Variants in ADPRM observed in about 807,000 individuals in gnomAD.
The protein encoded by ADPRM is manganese-dependent ADP-ribose/CDP-alcohol diphosphatase.
ADPRM carries 17 observed loss-of-function variants against 27.2 expected under a neutral mutation model. The ratio of observed to expected loss-of-function variants is 0.63; its 90% confidence interval spans 0.43 to 0.94. ADPRM has a LOEUF of 0.94. Ranked by LOEUF, ADPRM falls within the 40% of genes least tolerant of loss-of-function variation. The pLI is 0.00. For missense variants in ADPRM, 337 were observed against 412.8 expected (o/e 0.82, Z 1.59); for synonymous variants, 135 against 145.3 (o/e 0.93, Z 0.51).
intron 1 of ADPRM, 143 bp downstream of exon 1, chr17:10,697,810 T>C: frequency 3.7e-6 from 1 of 273,884 alleles, no homozygotes; most frequent in South Asian, 3.1e-5. Flanking sequence ...CCCCAAGCGC[T>C]GGGGGCCCCC....
intron 1 of ADPRM, 57 bp downstream of exon 1, chr17:10,697,724 G>C (rs532397428): frequency 3.2e-4 from 210 of 652,864 alleles, no homozygotes; most frequent in Non-Finnish European, 4.4e-4. Flanking sequence ...GGTGCTGCGG[G>C]GCCGCGGGAC....
chr17:10,709,745 AAC>A (rs988703623), intron 3 of ADPRM, among the ~76,000 whole-genome samples: 107 of 144,288 alleles, frequency 7.4e-4, no homozygotes, highest in African/African-American at 2.7e-3. Flanking sequence ...TTGTATTACA[AAC>A]AGATATTAAA....
chr17:10,704,948 G>C lies in ADPRM; in HGVS notation c.22G>C (p.Glu8Gln). The change falls in exon 2 of 4, where the codon GAA (glutamate) becomes CAA (glutamine). Residue 8 changes from glutamate (E) to glutamine (Q), a missense_variant. Coordinates refer to ENST00000379774, the MANE Select transcript of ADPRM (RefSeq NM_020233.5). MDDKPNP[E>Q]ALSDSSERLF... ...GGTTATGGATGATAAACCCAATCCT[G>C]AAGCCCTAAGTGACAGTTCAGAGCG... The C allele has an allele frequency of 6.2e-7, 1 of 1,607,300 alleles. No homozygotes were observed. Among genetic ancestry groups the C allele is most frequent in the Non-Finnish European group, 8.5e-7 (1 of 1,177,530 alleles).
chr17:10,711,131 C>T lies in ADPRM; in HGVS notation c.1016C>T (p.Ala339Val). 6.2e-7 allele frequency: 1 copy of T among 1,603,762 alleles called. No homozygotes were observed. Among genetic ancestry groups the T allele is most frequent in the Non-Finnish European group, 8.5e-7 (1 of 1,172,438 alleles). Residue 339 changes from alanine (A) to valine (V), a missense_variant, in exon 4 of 4, where the codon GCC (alanine) becomes GTC (valine). Coordinates refer to ENST00000379774, the MANE Select transcript of ADPRM (RefSeq NM_020233.5). ...DRIMNYKKERAFHC is the reference protein window; with the variant it reads ...DRIMNYKKERVFHC ...ATTATGAATTACAAGAAAGAAAGAG[C>T]CTTCCATTGTTAGTCTAATTTATTT...
intron 3 of ADPRM, among the ~76,000 whole-genome samples, chr17:10,709,596 G>GA (rs1456196628): frequency 3.3e-5 from 5 of 152,082 alleles, no homozygotes; most frequent in Non-Finnish European, 5.9e-5. Flanking sequence ...AGGGAGAAGG[G>GA]AACAACTAAT....
Position 10,705,847 on chromosome 17 carries a change from A to G in ADPRM, c.601+320A>G. Reference sequence around the variant, plus strand: ...AGTACGTGGGCAAGACAGATGATAAATGAAACAGAAACAAGATTATTTCCA... The same window carrying G: ...AGTACGTGGGCAAGACAGATGATAAGTGAAACAGAAACAAGATTATTTCCA... On this transcript the variant is annotated intron_variant, in intron 2 of 3. Coordinates refer to ENST00000379774, the MANE Select transcript of ADPRM (RefSeq NM_020233.5). This position sits in a 1 kb window ranked among gnomAD's most constrained non-coding sequence, Gnocchi z 5.4. 1 of 326,984 alleles carries G rather than the reference A, an allele frequency of 3.1e-6. No individual in the cohort carries two copies. The allele number at this position is 326,984 out of a possible 1,614,324, so 20.3% of individuals were successfully genotyped here. A position where few individuals can be genotyped will look rare whatever the true frequency, so the allele number is the denominator to read the frequency against.
chr17:10,697,945 C>T (rs1181906530), intron 1 of ADPRM: 1 of 175,802 alleles, frequency 5.7e-6, no homozygotes, highest in Non-Finnish European at 1.2e-5. Flanking sequence ...CCTACCTTGT[C>T]TGGCCGACTT....
At position 10,711,136 on chromosome 17, in the gene ADPRM, C is replaced by T; in HGVS notation, c.1021C>T (p.His341Tyr). Residue 341 changes from histidine (H) to tyrosine (Y), a missense_variant, in exon 4 of 4, where the codon CAT (histidine) becomes TAT (tyrosine). His to Tyr is a moderately conservative substitution (Grantham distance 83, BLOSUM62 2). Transcript: ENST00000379774. ...GAATTACAAGAAAGAAAGAGCCTTCCATTGTTAGTCTAATTTATTTTAACT... is the reference window on the plus strand; with the variant it reads ...GAATTACAAGAAAGAAAGAGCCTTCTATTGTTAGTCTAATTTATTTTAACT... ...IMNYKKERAF[H>Y]C The T allele has an allele frequency of 1.2e-6, 2 of 1,600,494 alleles. No homozygotes were observed. Among genetic ancestry groups the T allele is most frequent in the Non-Finnish European group, 1.7e-6 (2 of 1,170,832 alleles).
At position 10,697,669 on chromosome 17, in the gene ADPRM, T is replaced by C. The variant is rs1243175115; in HGVS notation, c.-18+2T>C. 2 of 877,922 alleles carry C rather than the reference T, an allele frequency of 2.3e-6. No homozygotes were observed. Among genetic ancestry groups the C allele is most frequent in the South Asian group, 1.5e-5 (1 of 68,554 alleles). The allele number at this position is 877,922 out of a possible 1,614,324, so 54.4% of individuals were successfully genotyped here. A position where few individuals can be genotyped will look rare whatever the true frequency, so the allele number is the denominator to read the frequency against. ...TTTCAGCCCAGGGGCCGGCGCACGG[T>C]AGGTAGTTCCCTGCGGCTGGAGGCG... On this transcript the variant is annotated splice_donor_variant, in intron 1 of 3. Coordinates refer to ENST00000379774, the MANE Select transcript of ADPRM (RefSeq NM_020233.5). LOFTEE classifies it low-confidence loss of function (5UTR_SPLICE).
At chr17:10,706,619 C>T (rs2074814290) in intron 3 of ADPRM, 65 bp downstream of exon 3, 3 of 1,149,018 alleles carry the variant, frequency 2.6e-6, no homozygotes, top group East Asian at 2.8e-5. Context: ...GGCGTTAAAG[C>T]ATACTAACAA....
chr17:10,710,268 A>G lies in ADPRM; in HGVS notation c.719-566A>G, dbSNP rs2074842496. 2.0e-5 allele frequency among the ~76,000 whole-genome samples: 3 copies of G among 151,992 alleles called. 1 individual carries two copies. The highest frequency in any genetic ancestry group is 4.2e-4 in the South Asian group (2 of 4,808). ...AGGCACATACCACCACGCCTGGCTA[A>G]TTTTTGTATTTTTAGTAGAGACAGG... is the stretch of plus-strand genomic sequence containing the variant. On this transcript the variant is annotated intron_variant, in intron 3 of 3. Coordinates refer to ENST00000379774, the MANE Select transcript of ADPRM (RefSeq NM_020233.5).
intron 1 of ADPRM, 76 bp from the exon 2 acceptor site, chr17:10,704,834 C>T: frequency 1.6e-6 from 2 of 1,255,448 alleles, no homozygotes; most frequent in Non-Finnish European, 2.2e-6. Flanking sequence ...TTTAACATTC[C>T]CTTTATCATT....
intron 2 of ADPRM, 46 bp from the exon 3 acceptor site, chr17:10,706,392 A>C (rs778061923): frequency 7.4e-7 from 1 of 1,349,682 alleles, no homozygotes; most frequent in Admixed American, 1.9e-5. Context: ...TGTCCAAATG[A>C]GGGGAAAAAT....
At position 10,705,165 on chromosome 17, in the gene ADPRM, A is replaced by T. The variant is rs762336014; in HGVS notation, c.239A>T (p.Asn80Ile). The T allele has an allele frequency of 6.8e-6, 11 of 1,614,026 alleles. No homozygotes were observed. Among genetic ancestry groups the T allele is most frequent in the Admixed American group, 6.7e-5 (4 of 59,998 alleles). ...CTTGGAGATATCATCGATGGATATA[A>T]TGCACAGTATAATGCATCCAAAAAG... Reference protein sequence around the residue: ...LQLGDIIDGYNAQYNASKKSL... With the variant: ...LQLGDIIDGYIAQYNASKKSL... The change falls in exon 2 of 4, where the codon AAT (asparagine) becomes ATT (isoleucine). Residue 80 changes from asparagine to isoleucine, a missense_variant. Transcript: ENST00000379774. The surrounding 1 kb of genome is among the most constrained non-coding windows in gnomAD (Gnocchi z 5.4).
intron 1 of ADPRM, among the ~76,000 whole-genome samples, chr17:10,703,021 A>G (rs1274658785): frequency 2.6e-5 from 4 of 152,150 alleles, no homozygotes; most frequent in Admixed American, 2.0e-4. Flanking sequence ...ACCCCCAGAA[A>G]TAGTTTTCTC....
chr17:10,706,653 T>C (rs2074814529), intron 3 of ADPRM, 99 bp downstream of exon 3: 1 of 785,860 alleles, frequency 1.3e-6, no homozygotes, highest in African/African-American at 1.8e-5. Flanking sequence ...ATATCCTCTT[T>C]CTATAAAATG....
intron 1 of ADPRM, among the ~76,000 whole-genome samples, chr17:10,700,785 ATC>A (rs1484054056): frequency 6.6e-6 from 1 of 150,728 alleles, no homozygotes; most frequent in African/African-American, 2.5e-5. Context: ...AAAAAAAAAA[ATC>A]TCTCATGCCT....
intron 3 of ADPRM, among the ~76,000 whole-genome samples, chr17:10,707,825 G>A (rs768042983): frequency 1.3e-5 from 2 of 152,208 alleles, no homozygotes; most frequent in African/African-American, 2.4e-5. Flanking sequence ...TGGGTACACT[G>A]CCATCAGAGA....
chr17:10,699,687 T>A (rs1191132847), intron 1 of ADPRM, among the ~76,000 whole-genome samples: 1 of 151,806 alleles, frequency 6.6e-6, no homozygotes, highest in Non-Finnish European at 1.5e-5. Flanking sequence ...ACCAGGCCTG[T>A]CTAATTTAAA....
Sources: gnomAD v4.1 joint callset for allele counts (sites outside exome capture counted in the v4.1 genomes callset) on GRCh38, gnomAD v4.1.1 for gene constraint, Gnocchi (gnomAD v3.1) non-coding constraint, MANE v1.5 for transcripts, NCBI Gene and HGNC (gene_info 2026-07-23, HGNC 2026-07-21) for gene names.